Variants in CNTNAP5 observed in about 807,000 individuals in gnomAD.
CNTNAP5 encodes contactin-associated protein-like 5.
Under a neutral mutation model 150.2 loss-of-function variants are expected in CNTNAP5, and 72 were observed. The observed-to-expected ratio is 0.48, with a 90% CI of 0.40 to 0.58. The LOEUF (loss-of-function observed/expected upper bound fraction) is 0.58. Ranked by LOEUF, CNTNAP5 falls within the 20% of genes least tolerant of loss-of-function variation. The pLI is 0.00. For synonymous variants in CNTNAP5, 672 were observed against 619.8 expected (o/e 1.08, Z -1.25); for missense variants, 1,636 against 1,626.2 (o/e 1.01, Z -0.10).
At chr2:124,244,628 A>G (rs765878812) in intron 3 of CNTNAP5, among the ~76,000 whole-genome samples, 8 of 152,150 alleles carry the variant, frequency 5.3e-5, no homozygotes, top group Non-Finnish European at 8.8e-5. Context: ...AAGTACAGGG[A>G]GAAGTGATTT....
At chr2:124,104,409 C>T (rs17213092) in intron 1 of CNTNAP5, among the ~76,000 whole-genome samples, 12,916 of 152,202 alleles carry the variant, frequency 0.085, 734 homozygotes, top group Non-Finnish European at 0.13. Context: ...TGTAGACACA[C>T]ATCTATTCTA....
chr2:124,585,906 C>T (rs1573476389), intron 11 of CNTNAP5, among the ~76,000 whole-genome samples: 1 of 151,992 alleles, frequency 6.6e-6, no homozygotes, highest in East Asian at 1.9e-4. Context: ...CTGCACACCA[C>T]GAACTCAACT....
At chr2:124,519,563 G>A (rs1694807905) in intron 8 of CNTNAP5, among the ~76,000 whole-genome samples, 1 of 152,148 alleles carries the variant, frequency 6.6e-6, no homozygotes, top group South Asian at 2.1e-4. Context: ...CAGCCATGGG[G>A]CCCTGTGCAG....
intron 3 of CNTNAP5, among the ~76,000 whole-genome samples, chr2:124,296,514 C>A (rs1186330664): frequency 6.6e-6 from 1 of 152,086 alleles, no homozygotes; most frequent in East Asian, 1.9e-4. Context: ...TATCTGCTAC[C>A]CTCTTATACA....
chr2:124,210,686 A>G lies in CNTNAP5; in HGVS notation c.83-11019A>G, dbSNP rs1685984113. Among the ~76,000 whole-genome samples, 4 of 152,130 alleles carry G rather than the reference A, an allele frequency of 2.6e-5. No homozygotes were observed. The South Asian group carries it at 8.3e-4, about 31-fold the overall frequency. The stretch of plus-strand genomic sequence containing the variant: ...ATTGAAGCAAACTTTCTAAAATACT[A>G]ATTGCTGTGACTCTCTTGCCCAAAA... On this transcript the variant is annotated intron_variant, in intron 1 of 23. Coordinates refer to ENST00000682447, the MANE Select transcript of CNTNAP5 (RefSeq NM_001367498.1).
At chr2:124,446,349 G>A (rs374667801) in intron 5 of CNTNAP5, among the ~76,000 whole-genome samples, 97 of 152,024 alleles carry the variant, frequency 6.4e-4, no homozygotes, top group African/African-American at 2.0e-3. Context: ...TTCCCTTTAC[G>A]TATCCCAGCT....
At chr2:124,210,696 ACT>A (rs1305563495) in intron 1 of CNTNAP5, among the ~76,000 whole-genome samples, 3 of 152,016 alleles carry the variant, frequency 2.0e-5, no homozygotes, top group Non-Finnish European at 2.9e-5. Flanking sequence ...AATTGCTGTG[ACT>A]CTCTTGCCCA....
At chr2:124,888,772 C>T (rs898581155) in intron 21 of CNTNAP5, among the ~76,000 whole-genome samples, 1 of 151,852 alleles carries the variant, frequency 6.6e-6, no homozygotes, top group African/African-American at 2.4e-5. Flanking sequence ...ATGTCCTTTG[C>T]CCTTTTTTTT....
At chr2:124,856,843 G>A (rs982797243) in intron 19 of CNTNAP5, among the ~76,000 whole-genome samples, 6 of 152,172 alleles carry the variant, frequency 3.9e-5, no homozygotes, top group Non-Finnish European at 8.8e-5. Flanking sequence ...GACGTATACA[G>A]AGTCTAACAT....
chr2:124,294,176 T>G (rs1573896578), intron 3 of CNTNAP5, among the ~76,000 whole-genome samples: 2 of 148,116 alleles, frequency 1.4e-5, no homozygotes, highest in East Asian at 4.0e-4. Context: ...TATGCTACTA[T>G]CCCACATAGC....
rs554655756 is a variant in CNTNAP5 at position 124,711,024 on chromosome 2, G to A, written c.2078-36205G>A. On this transcript the variant is annotated intron_variant, in intron 13 of 23. Transcript: ENST00000682447. ...ACGGTGGCTCACGCCTGTAATCCCC[G>A]CACTTTGGGAGGCAGAGGCGGGTGG... Among the ~76,000 whole-genome samples, 40 of 152,130 alleles carry A rather than the reference G, an allele frequency of 2.6e-4. 2 individuals carry two copies. Among genetic ancestry groups the A allele is most frequent in the South Asian group, 1.4e-3 (7 of 4,828 alleles).
intron 6 of CNTNAP5, among the ~76,000 whole-genome samples, chr2:124,452,319 A>T (rs1402134299): frequency 1.3e-5 from 2 of 151,994 alleles, no homozygotes; most frequent in South Asian, 2.1e-4. Context: ...GGCACCCATA[A>T]TCCTTCTAGG....
At chr2:124,174,209 T>A (rs1040183574) in intron 1 of CNTNAP5, among the ~76,000 whole-genome samples, 20 of 152,198 alleles carry the variant, frequency 1.3e-4, no homozygotes, top group Admixed American at 6.5e-5. Context: ...GAAGTTAGTG[T>A]GTTTTCATGT....
intron 3 of CNTNAP5, among the ~76,000 whole-genome samples, chr2:124,310,101 G>A (rs1688788271): frequency 2.6e-5 from 4 of 151,154 alleles, no homozygotes; most frequent in Non-Finnish European, 4.4e-5. Flanking sequence ...AGATGGAGTG[G>A]TTCTCAAATG....
In CNTNAP5 at chr2:124,240,002, G is replaced by GT. The variant is rs199670115; in HGVS notation, c.188-2190dup. Among the ~76,000 whole-genome samples the GT allele has an allele frequency of 1.3e-3, 189 of 145,522 alleles. 1 individual carries two copies. Among genetic ancestry groups the GT allele is most frequent in the Admixed American group, 9.7e-3 (142 of 14,690 alleles). ...CTAATTTTCTGGAGTTTTATAAACT[G>GT]TTTTTTTTCCTGTTGAAGAATAATT... On this transcript the variant is annotated intron_variant, in intron 2 of 23. Transcript: ENST00000682447.
chr2:124,710,751 C>T (rs1679789770), intron 13 of CNTNAP5, among the ~76,000 whole-genome samples: 1 of 152,170 alleles, frequency 6.6e-6, no homozygotes, highest in Admixed American at 6.5e-5. Flanking sequence ...TCAGAGCAAT[C>T]CAGGATCACT....
intron 3 of CNTNAP5, among the ~76,000 whole-genome samples, chr2:124,400,669 G>GTTTTTTTTTGT (rs1691388416): frequency 1.2e-5 from 1 of 84,498 alleles, no homozygotes; most frequent in African/African-American, 3.8e-5. Context: ...TAAAGGCATT[G>GTTTTTTTTTGT]TTTTTTTTTT....
At chr2:124,874,027 TTTTG>T (rs370711834) in intron 21 of CNTNAP5, among the ~76,000 whole-genome samples, 25 of 151,958 alleles carry the variant, frequency 1.6e-4, no homozygotes, top group Non-Finnish European at 3.4e-4. Context: ...TAAAGCAGTT[TTTTG>T]TTTGTTTGTT....
intron 6 of CNTNAP5, among the ~76,000 whole-genome samples, chr2:124,451,049 A>AT (rs1220088749): frequency 1.4e-4 from 10 of 73,668 alleles, no homozygotes; most frequent in African/African-American, 5.6e-4. Context: ...AAAAAAAAAA[A>AT]AAATATATAT....
Sources: allele counts gnomAD v4.1 joint callset (sites outside exome capture counted in the v4.1 genomes callset), GRCh38; gene constraint gnomAD v4.1.1; transcripts MANE v1.5; gene names NCBI Gene and HGNC (gene_info 2026-07-23, HGNC 2026-07-21).